Variants in ZNF521 observed in about 807,000 individuals in gnomAD.
ZNF521 encodes the protein LYST-interacting protein 3.
A neutral mutation model predicts 105.5 loss-of-function variants in ZNF521; 14 were observed. That is an observed-to-expected ratio of 0.13 (90% confidence interval 0.09 to 0.21). The LOEUF is 0.21. Ranked by LOEUF, ZNF521 falls within the 10% of genes least tolerant of loss-of-function variation. ZNF521 has a pLI of 1.00. For synonymous variants in ZNF521, 635 were observed against 606.0 expected (o/e 1.05, Z -0.70); for missense variants, 1,233 against 1,629.7 (o/e 0.76, Z 4.19).
chr18:25,309,378 A>G (rs1040837835), intron 3 of ZNF521, among the ~76,000 whole-genome samples: 2 of 152,216 alleles, frequency 1.3e-5, no homozygotes, highest in Non-Finnish European at 2.9e-5. Flanking sequence ...GAACAAATCA[A>G]TGGACTAAGG....
chr18:25,329,222 T>C (rs370040673), intron 2 of ZNF521, among the ~76,000 whole-genome samples: 7 of 152,306 alleles, frequency 4.6e-5, no homozygotes. Flanking sequence ...CAGGCACAGC[T>C]TGGGGTGACT....
chr18:25,066,298 G>A lies in ZNF521; in HGVS notation c.3907-3557C>T, dbSNP rs894849597. Among the ~76,000 whole-genome samples the A allele has an allele frequency of 3.2e-4, 49 of 152,286 alleles. No homozygotes were observed. In the East Asian group the frequency reaches 3.3e-3, roughly 10 times the overall value. On this transcript the variant is annotated intron_variant, in intron 7 of 7. Transcript: ENST00000361524. ...ATATACTTGTGTTGGAAACAACCCC[G>A]CCATGGGATTCTGCTCCATCCTCAA...
rs536938296 is a variant in ZNF521, at chr18:25,320,204, T to A, written c.220+1804A>T. Among the ~76,000 whole-genome samples the A allele has an allele frequency of 2.6e-5, 4 of 152,244 alleles. No individual in the cohort carries two copies. In the South Asian group the frequency reaches 8.3e-4, roughly 32 times the overall value. On this transcript the variant is annotated intron_variant, in intron 3 of 7. Transcript: ENST00000361524. ...TCTTTTTTTTTGAGACAGAGTTTCG[T>A]TCTTGTTGCCCAGGCTGGACTGCAA...
chr18:25,318,537 G>A (rs538076308), intron 3 of ZNF521, among the ~76,000 whole-genome samples: 1 of 152,130 alleles, frequency 6.6e-6, no homozygotes, highest in African/African-American at 2.4e-5. Context: ...GGTGGTATCA[G>A]CAAGCAATTT....
intron 3 of ZNF521, among the ~76,000 whole-genome samples, chr18:25,290,703 C>T (rs888326550): frequency 2.0e-5 from 3 of 151,008 alleles, no homozygotes; most frequent in African/African-American, 4.9e-5. Flanking sequence ...CTCCACCTCC[C>T]GGGTTCAAGC....
intron 2 of ZNF521, among the ~76,000 whole-genome samples, chr18:25,334,143 G>A (rs924086620): frequency 2.6e-5 from 4 of 152,112 alleles, no homozygotes; most frequent in Non-Finnish European, 4.4e-5. Context: ...TTAATCAGAA[G>A]ACAAAGCCTT....
At chr18:25,217,538 A>T (rs1905406669) in intron 4 of ZNF521, among the ~76,000 whole-genome samples, 1 of 152,210 alleles carries the variant, frequency 6.6e-6, no homozygotes, top group Admixed American at 6.5e-5. Flanking sequence ...TCTAGGGTAT[A>T]CATACGACAT....
At chr18:25,152,092 T>A (rs551340131) in intron 5 of ZNF521, among the ~76,000 whole-genome samples, 4 of 152,310 alleles carry the variant, frequency 2.6e-5, no homozygotes, top group South Asian at 2.1e-4. Context: ...CACTGTGGAA[T>A]CTTTCTACAC....
At chr18:25,311,423 A>G (rs1221757502) in intron 3 of ZNF521, among the ~76,000 whole-genome samples, 1 of 152,056 alleles carries the variant, frequency 6.6e-6, no homozygotes, top group East Asian at 1.9e-4. Flanking sequence ...AAGTTTTATC[A>G]TGTTGAATTT....
intron 4 of ZNF521, among the ~76,000 whole-genome samples, chr18:25,196,708 T>C (rs1276155235): frequency 6.6e-6 from 1 of 151,708 alleles, no homozygotes; most frequent in Non-Finnish European, 1.5e-5. Flanking sequence ...ACCGAGCTGT[T>C]TACAAGATGC....
chr18:25,188,766 G>A (rs11083112), intron 5 of ZNF521, among the ~76,000 whole-genome samples: 5,421 of 152,268 alleles, frequency 0.036, 141 homozygotes, highest in East Asian at 0.066. Context: ...TCTCTGTGCT[G>A]AGCCTAGGAC....
chr18:25,313,080 C>T (rs11876436), intron 3 of ZNF521, among the ~76,000 whole-genome samples: 30,891 of 151,966 alleles, frequency 0.2, 4,204 homozygotes, highest in African/African-American at 0.37. Context: ...TCTGAATAGT[C>T]AGAAACCAAT....
chr18:25,128,654 T>G (rs1031545072), intron 5 of ZNF521, among the ~76,000 whole-genome samples: 12 of 151,982 alleles, frequency 7.9e-5, no homozygotes, highest in African/African-American at 2.9e-4. Flanking sequence ...CAGTCTTACA[T>G]ACAAGCAATG....
intron 2 of ZNF521, among the ~76,000 whole-genome samples, chr18:25,323,214 CATAA>C (rs1157140123): frequency 1.3e-5 from 2 of 151,920 alleles, no homozygotes; most frequent in Non-Finnish European, 2.9e-5. Flanking sequence ...CCTCCAAAGT[CATAA>C]ATAAACTATA....
chr18:25,185,903 TTGC>T (rs2035713790), intron 5 of ZNF521, among the ~76,000 whole-genome samples: 2 of 152,170 alleles, frequency 1.3e-5, no homozygotes, highest in Non-Finnish European at 2.9e-5. Context: ...ACTTGTGGCT[TTGC>T]TAAAAGGAAA....
intron 5 of ZNF521, among the ~76,000 whole-genome samples, chr18:25,139,132 A>C (rs1202434000): frequency 6.6e-6 from 1 of 152,034 alleles, no homozygotes. Context: ...GCACTTTGGG[A>C]GGCTGAGGTG....
At chr18:25,275,180 T>C (rs1909950529) in intron 3 of ZNF521, among the ~76,000 whole-genome samples, 1 of 152,220 alleles carries the variant, frequency 6.6e-6, no homozygotes, top group Non-Finnish European at 1.5e-5. Flanking sequence ...CCTGCTGCGA[T>C]AAAACTTGCA....
At position 25,190,379 on chromosome 18, in the gene ZNF521, C is replaced by A. The variant is rs754314097; in HGVS notation, c.3658+4781G>T. On this transcript the variant is annotated intron_variant, in intron 5 of 7. Transcript: ENST00000361524. ...TTATAAACACATATGTATAGCCACA[C>A]ATATAGGCATTATTGTTGATCCATT... Among the ~76,000 whole-genome samples, 3 of 152,266 alleles carry A rather than the reference C, an allele frequency of 2.0e-5. No individual in the cohort carries two copies. The East Asian group carries it at 5.8e-4, about 29-fold the overall frequency.
chr18:25,349,139 G>A (rs912638041), intron 2 of ZNF521, among the ~76,000 whole-genome samples: 11 of 152,134 alleles, frequency 7.2e-5, no homozygotes, highest in African/African-American at 2.4e-4. Context: ...CCACCGGACA[G>A]GCACTAACCG....
Sources: allele counts gnomAD v4.1 joint callset (sites outside exome capture counted in the v4.1 genomes callset), GRCh38; gene constraint gnomAD v4.1.1; transcripts MANE v1.5; gene names NCBI Gene and HGNC (gene_info 2026-07-23, HGNC 2026-07-21).